Variants in CERT1 observed in about 807,000 individuals in gnomAD.
CERT1 encodes the protein ceramide transfer protein.
A neutral mutation model predicts 87.9 loss-of-function variants in CERT1; 31 were observed. The observed-to-expected ratio is 0.35, with a 90% CI of 0.27 to 0.48. The LOEUF (loss-of-function observed/expected upper bound fraction) is 0.48, where lower values mean the gene tolerates loss of function less well. CERT1 is among the 20% of genes least tolerant of loss of function. The pLI, the probability that CERT1 is intolerant of heterozygous loss-of-function variation, is 0.99. For missense variants in CERT1, 487 were observed against 758.0 expected (o/e 0.64, Z 4.20); for synonymous variants, 289 against 250.9 (o/e 1.15, Z -1.44).
At chr5:75,459,515 G>T (rs1280447878) in intron 2 of CERT1, among the ~76,000 whole-genome samples, 1 of 152,100 alleles carries the variant, frequency 6.6e-6, no homozygotes, top group African/African-American at 2.4e-5. Context: ...TTTTTGAGGT[G>T]AGGGTCTTGC....
At chr5:75,500,590 T>A (rs1210981561) in intron 2 of CERT1, among the ~76,000 whole-genome samples, 1 of 152,200 alleles carries the variant, frequency 6.6e-6, no homozygotes, top group Non-Finnish European at 1.5e-5. Context: ...AGAGTCTCAT[T>A]TCTTTAAAAA....
intron 3 of CERT1, among the ~76,000 whole-genome samples, chr5:75,454,038 G>C (rs945012575): frequency 6.6e-6 from 1 of 152,142 alleles, no homozygotes; most frequent in African/African-American, 2.4e-5. Flanking sequence ...GAAAAATACA[G>C]GTCTACTAAT....
rs139588122 is a variant in CERT1 at position 75,381,238 on chromosome 5, A to G, written c.1618-37T>C. 195 of 1,611,410 alleles carry G rather than the reference A, an allele frequency of 1.2e-4. 1 individual carries two copies. The African/African-American group carries it at 2.3e-3, about 19-fold the overall frequency. ...AAAAACAAAGCATCAGTAGATACCC[A>G]GTATTTTGTAAACTCTGCTGGTCTA... On this transcript the variant is annotated intron_variant, in intron 15 of 16. Transcript: ENST00000643780.
chr5:75,438,522 G>A (rs753302844), intron 3 of CERT1, among the ~76,000 whole-genome samples: 2 of 152,082 alleles, frequency 1.3e-5, no homozygotes, highest in African/African-American at 2.4e-5. Context: ...TTTGGGGACA[G>A]TACTTTAAAG....
intron 3 of CERT1, among the ~76,000 whole-genome samples, chr5:75,444,765 T>G (rs1764470072): frequency 6.6e-6 from 1 of 152,142 alleles, no homozygotes; most frequent in South Asian, 2.1e-4. Context: ...CAGGGTGGTC[T>G]TGATCTCTTG....
chr5:75,501,221 C>T lies in CERT1; in HGVS notation c.231+4761G>A, dbSNP rs751458879. Among the ~76,000 whole-genome samples the T allele has an allele frequency of 1.2e-4, 18 of 152,170 alleles. 2 individuals carry two copies. In the South Asian group the frequency reaches 3.1e-3, roughly 26 times the overall value. On this transcript the variant is annotated intron_variant, in intron 2 of 16. Transcript: ENST00000643780. ...AATTTTTCCAAGATCTTTCAACTTC[C>T]GCTCTTGCAGCAACCCCCTACCTCA... is the stretch of plus-strand genomic sequence containing the variant.
intron 8 of CERT1, among the ~76,000 whole-genome samples, chr5:75,410,529 G>A (rs1288995916): frequency 2.0e-5 from 3 of 150,690 alleles, no homozygotes; most frequent in African/African-American, 7.3e-5. Context: ...AGAATGGCGT[G>A]AACCCGGGAG....
intron 8 of CERT1, among the ~76,000 whole-genome samples, chr5:75,404,633 C>T (rs1360484716): frequency 6.6e-6 from 1 of 152,184 alleles, no homozygotes; most frequent in Non-Finnish European, 1.5e-5. Context: ...TTCATTCAAT[C>T]TACAGTGATT....
intron 3 of CERT1, among the ~76,000 whole-genome samples, chr5:75,452,805 T>C (rs887856049): frequency 6.6e-6 from 1 of 152,126 alleles, no homozygotes; most frequent in African/African-American, 2.4e-5. Flanking sequence ...CAAGACAGCA[T>C]GAAAGATGGC....
chr5:75,506,956 G>A (rs1044907340), intron 1 of CERT1, among the ~76,000 whole-genome samples: 19 of 152,042 alleles, frequency 1.2e-4, no homozygotes, highest in African/African-American at 3.6e-4. Context: ...CTATGCTCTG[G>A]GGTGTTAAGT....
chr5:75,407,380 G>T (rs867868306), intron 8 of CERT1, among the ~76,000 whole-genome samples: 7 of 150,862 alleles, frequency 4.6e-5, no homozygotes, highest in Middle Eastern at 3.2e-3. Flanking sequence ...GAGAAAAGTG[G>T]ATCAAAGGAC....
chr5:75,389,532 T>C lies in CERT1; in HGVS notation c.1284+60A>G, dbSNP rs1225945961. On this transcript the variant is annotated intron_variant, in intron 12 of 16. Coordinates refer to ENST00000643780, the MANE Select transcript of CERT1 (RefSeq NM_001379029.1). ...CTATCCTTATTCATATCAATAGTAATGATAATATGACTGAAACAGAGACGC... is the reference window on the plus strand; with the variant it reads ...CTATCCTTATTCATATCAATAGTAACGATAATATGACTGAAACAGAGACGC... 3.2e-6 allele frequency: 4 copies of C among 1,254,084 alleles called. No homozygotes were observed. The East Asian group carries it at 6.9e-5, about 22-fold the overall frequency. 77.7% of individuals were successfully genotyped at this position (1,254,084 alleles called of 1,614,324 possible).
chr5:75,416,905 C>T lies in CERT1; in HGVS notation c.808G>A (p.Glu270Lys). Reference sequence around the variant, plus strand: ...TCCAGTCTCTTCTGCCAGCTGTCCTCACGTTTAACCATTAGTTCAATACAA... The same window carrying T: ...TCCAGTCTCTTCTGCCAGCTGTCCTTACGTTTAACCATTAGTTCAATACAA... ...SHCIELMVKREDSWQKRLDKE... is the reference protein window; with the variant it reads ...SHCIELMVKRKDSWQKRLDKE... Residue 270 changes from glutamate (E) to lysine (K), a missense_variant, in exon 7 of 17, where the codon GAG becomes AAG. Physicochemically the swap from Glu to Lys is moderately conservative, Grantham distance 56. Coordinates refer to ENST00000643780, the MANE Select transcript of CERT1 (RefSeq NM_001379029.1). The T allele has an allele frequency of 6.2e-7, 1 of 1,611,492 alleles. No individual in the cohort carries two copies. The highest frequency in any genetic ancestry group is 8.5e-7 in the Non-Finnish European group (1 of 1,179,068).
At chr5:75,418,300 C>T (rs1413113164) in intron 6 of CERT1, among the ~76,000 whole-genome samples, 1 of 152,016 alleles carries the variant, frequency 6.6e-6, no homozygotes, top group African/African-American at 2.4e-5. Context: ...CAAATTAAAA[C>T]CACAATGACA....
In CERT1 at chr5:75,461,656, C is replaced by T. The variant is rs189183802; in HGVS notation, c.232-2475G>A. Among the ~76,000 whole-genome samples the T allele has an allele frequency of 2.6e-5, 4 of 152,090 alleles. No homozygotes were observed. The East Asian group carries it at 7.7e-4, about 29-fold the overall frequency. ...TTTAGAAAAATAAAAGAACATATAG[C>T]TCATAATTCACCATTTTCTCTGGCA... On this transcript the variant is annotated intron_variant, in intron 2 of 16. Coordinates refer to ENST00000643780, the MANE Select transcript of CERT1 (RefSeq NM_001379029.1).
At chr5:75,418,887 C>T (rs1362607028) in intron 6 of CERT1, among the ~76,000 whole-genome samples, 1 of 152,144 alleles carries the variant, frequency 6.6e-6, no homozygotes, top group Non-Finnish European at 1.5e-5. Context: ...TGTTAACTAT[C>T]TTGATTGTGT....
intron 3 of CERT1, among the ~76,000 whole-genome samples, chr5:75,432,447 C>T (rs1319678175): frequency 1.3e-5 from 2 of 152,204 alleles, no homozygotes; most frequent in East Asian, 1.9e-4. Context: ...TTCTGATTTA[C>T]ATTTATCTAA....
chr5:75,470,766 T>C (rs113903920), intron 2 of CERT1, among the ~76,000 whole-genome samples: 2,307 of 152,198 alleles, frequency 0.015, 32 homozygotes, highest in Middle Eastern at 0.041. Flanking sequence ...CCAGAACAAT[T>C]AGGCAAGACA....
At chr5:75,474,538 T>C (rs1189874938) in intron 2 of CERT1, among the ~76,000 whole-genome samples, 1 of 152,078 alleles carries the variant, frequency 6.6e-6, no homozygotes, top group Non-Finnish European at 1.5e-5. Context: ...TAGGCACTAA[T>C]CCAATCTGAA....
Sources: gnomAD v4.1 joint callset for allele counts (sites outside exome capture counted in the v4.1 genomes callset) on GRCh38, gnomAD v4.1.1 for gene constraint, MANE v1.5 for transcripts, NCBI Gene and HGNC (gene_info 2026-07-23, HGNC 2026-07-21) for gene names.